ADGRL2: variants seen among roughly 807,000 people sequenced by gnomAD.
ADGRL2 encodes the protein calcium-independent alpha-latrotoxin receptor 2.
In ADGRL2, 44 loss-of-function variants were observed where a neutral mutation model predicts 157.4. The ratio of observed to expected loss-of-function variants is 0.28; its 90% CI spans 0.22 to 0.36. The LOEUF is 0.36. ADGRL2 is among the 10% of genes least tolerant of loss of function. The pLI is 1.00. For synonymous variants in ADGRL2, 585 were observed against 624.7 expected (o/e 0.94, Z 0.95); for missense variants, 1,510 against 1,768.9 (o/e 0.85, Z 2.63).
At chr1:81,701,537 T>A (rs2083574753) in intron 1 of ADGRL2, among the ~76,000 whole-genome samples, 1 of 152,170 alleles carries the variant, frequency 6.6e-6, no homozygotes, top group African/African-American at 2.4e-5. Context: ...CGGTGAGATT[T>A]TCCATTCTGA....
chr1:81,951,803 A>G (rs1651888824), intron 8 of ADGRL2, among the ~76,000 whole-genome samples, 154 bp from the exon 9 acceptor site: 1 of 152,004 alleles, frequency 6.6e-6, no homozygotes, highest in Admixed American at 6.6e-5. Context: ...AGAGCCTTGA[A>G]ACTTCTAAGA....
rs1413551086 is a variant in ADGRL2 at position 81,581,631 on chromosome 1, C to T, written c.-143+651C>T. ...CTTGATTATACTCATTTCATCTTTA[C>T]AAATGTGTGTGTTTCTGAGGAAAGC... On this transcript the variant is annotated intron_variant, in intron 3 of 24. Transcript: ENST00000370721. Among the ~76,000 whole-genome samples, 6 of 152,090 alleles carry T rather than the reference C, an allele frequency of 3.9e-5. No individual in the cohort carries two copies. The East Asian group carries it at 7.7e-4, about 20-fold the overall frequency.
chr1:81,585,726 G>A (rs2081012597), intron 3 of ADGRL2, among the ~76,000 whole-genome samples: 1 of 152,064 alleles, frequency 6.6e-6, no homozygotes, highest in South Asian at 2.1e-4. Flanking sequence ...TTTGGGTTGA[G>A]GATGAAAAGT....
chr1:81,619,198 T>C (rs1459897841), intron 3 of ADGRL2, among the ~76,000 whole-genome samples: 2 of 152,082 alleles, frequency 1.3e-5, no homozygotes, highest in East Asian at 1.9e-4. Flanking sequence ...CACCTTGATA[T>C]ACATGCAGAG....
chr1:81,611,912 T>A (rs2081549221), intron 3 of ADGRL2, among the ~76,000 whole-genome samples: 1 of 152,138 alleles, frequency 6.6e-6, no homozygotes, highest in East Asian at 1.9e-4. Flanking sequence ...GATCTGGTGG[T>A]TTGATAAGTG....
chr1:81,903,816 C>T (rs12139127), intron 2 of ADGRL2, among the ~76,000 whole-genome samples: 5,593 of 98,410 alleles, frequency 0.057, 198 homozygotes, highest in African/African-American at 0.11. Context: ...TTTATATACA[C>T]ACACACACAC....
intron 1 of ADGRL2, among the ~76,000 whole-genome samples, chr1:81,443,154 C>T (rs1320875419): frequency 1.3e-5 from 2 of 152,164 alleles, no homozygotes; most frequent in East Asian, 3.9e-4. Context: ...GGCATGGTGG[C>T]TCACATCTGT....
intron 3 of ADGRL2, among the ~76,000 whole-genome samples, chr1:81,656,489 T>C (rs1473023144): frequency 6.6e-6 from 1 of 152,204 alleles, no homozygotes; most frequent in Non-Finnish European, 1.5e-5. Context: ...TTAATCTTCC[T>C]GAATCTTGCC....
intron 3 of ADGRL2, among the ~76,000 whole-genome samples, chr1:81,648,857 G>A (rs1001699803): frequency 3.0e-4 from 46 of 152,166 alleles, no homozygotes; most frequent in African/African-American, 1.1e-3. Flanking sequence ...GAGCATATCA[G>A]CTCTGCACTC....
chr1:81,614,576 C>T (rs866158446), intron 3 of ADGRL2, among the ~76,000 whole-genome samples: 18 of 152,134 alleles, frequency 1.2e-4, no homozygotes, highest in Middle Eastern at 3.2e-3. Context: ...CTCAAGCTTG[C>T]CAATCACCCC....
chr1:81,566,736 G>T (rs2080571973), intron 2 of ADGRL2, among the ~76,000 whole-genome samples: 1 of 152,058 alleles, frequency 6.6e-6, no homozygotes, highest in Non-Finnish European at 1.5e-5. Context: ...ACTTCTTTGA[G>T]CCTAGCTGGT....
At chr1:81,947,850 TC>T (rs1385062469) in intron 6 of ADGRL2, among the ~76,000 whole-genome samples, 1 of 152,222 alleles carries the variant, frequency 6.6e-6, no homozygotes, top group Non-Finnish European at 1.5e-5. Context: ...ATGTTTATTT[TC>T]ATGATATCCC....
intron 1 of ADGRL2, among the ~76,000 whole-genome samples, chr1:81,411,893 A>AC (rs958034761): frequency 1.3e-5 from 2 of 151,948 alleles, no homozygotes; most frequent in Non-Finnish European, 2.9e-5. Flanking sequence ...AAAAAAAAAA[A>AC]AAAAGTTTTA....
intron 2 of ADGRL2, among the ~76,000 whole-genome samples, chr1:81,467,306 TA>T (rs2078077702): frequency 6.6e-6 from 1 of 152,064 alleles, no homozygotes; most frequent in Admixed American, 6.6e-5. Flanking sequence ...GGTACAAAAA[TA>T]AGAAGCAGCT....
chr1:81,966,297 C>G, intron 12 of ADGRL2, 107 bp from the exon 13 acceptor site: 3 of 1,515,026 alleles, frequency 2.0e-6, no homozygotes, highest in Non-Finnish European at 2.7e-6. Flanking sequence ...CATTTAAAAG[C>G]AGATATAAAA....
At chr1:81,900,344 A>G (rs1396151451) in intron 2 of ADGRL2, among the ~76,000 whole-genome samples, 1 of 152,184 alleles carries the variant, frequency 6.6e-6, no homozygotes, top group Non-Finnish European at 1.5e-5. Context: ...GCCTTCTAGC[A>G]TCGGGCTGCT....
intron 3 of ADGRL2, among the ~76,000 whole-genome samples, chr1:81,618,696 A>G (rs1411808109): frequency 2.0e-5 from 3 of 152,232 alleles, no homozygotes; most frequent in Non-Finnish European, 4.4e-5. Flanking sequence ...TGTGTTTTAC[A>G]AAGACAAGGT....
chr1:81,527,732 G>A (rs1186264993), intron 2 of ADGRL2, among the ~76,000 whole-genome samples: 3 of 151,186 alleles, frequency 2.0e-5, no homozygotes, highest in Non-Finnish European at 1.5e-5. Flanking sequence ...AGTGATCGGA[G>A]GGAGCTGCCT....
chr1:81,947,540 G>A (rs902893681), intron 6 of ADGRL2, among the ~76,000 whole-genome samples: 1 of 152,110 alleles, frequency 6.6e-6, no homozygotes, highest in African/African-American at 2.4e-5. Context: ...CCTACTTCAT[G>A]GAGTTGTGGT....
Sources: allele counts gnomAD v4.1 joint callset (sites outside exome capture counted in the v4.1 genomes callset), GRCh38; gene constraint gnomAD v4.1.1; transcripts MANE v1.5; gene names NCBI Gene and HGNC (gene_info 2026-07-23, HGNC 2026-07-21).